Variants in LAMB4 observed in about 807,000 individuals in gnomAD.
LAMB4 encodes the protein laminin subunit beta 4, also known as laminin subunit beta-4.
LAMB4 carries 196 observed loss-of-function variants against 199.2 expected under a neutral mutation model. That is an observed-to-expected ratio of 0.98 (90% CI 0.88 to 1.11). The LOEUF is 1.11. Ranked by LOEUF, LAMB4 falls within the 50% of genes least tolerant of loss-of-function variation. The pLI, the probability that LAMB4 is intolerant of heterozygous loss-of-function variation, is 0.00. For missense variants in LAMB4, 2,080 were observed against 2,171.2 expected, an observed-to-expected ratio of 0.96 and a Z score of 0.83; for synonymous variants, 744 against 770.6, an observed-to-expected ratio of 0.97 and a Z score of 0.57.
At chr7:108,105,541 A>T (rs2037972790) in intron 8 of LAMB4, among the ~76,000 whole-genome samples, 2 of 152,236 alleles carry the variant, frequency 1.3e-5, no homozygotes, top group African/African-American at 4.8e-5. Flanking sequence ...AAATAAATGA[A>T]AAGAGGGCAA....
At chr7:108,026,811 G>C in intron 33 of LAMB4, 1 of 477,616 alleles carries the variant, frequency 2.1e-6, no homozygotes, top group African/African-American at 2.0e-5. Context: ...CTAACAGAGA[G>C]GAACAGGCAC....
At chr7:108,025,263 C>A (rs185544330) in intron 33 of LAMB4, among the ~76,000 whole-genome samples, 50 of 152,150 alleles carry the variant, frequency 3.3e-4, no homozygotes, top group African/African-American at 1.1e-3. Flanking sequence ...TGAAGCTCCA[C>A]GAAGGAAGAT....
intron 1 of LAMB4, among the ~76,000 whole-genome samples, chr7:108,130,014 A>C (rs889585150): frequency 6.6e-6 from 1 of 152,254 alleles, no homozygotes; most frequent in Non-Finnish European, 1.5e-5. Flanking sequence ...ATACAGTTGT[A>C]CATTTCAACA....
intron 9 of LAMB4, 71 bp from the exon 10 acceptor site, chr7:108,103,303 G>A (rs1380645439): frequency 7.8e-7 from 1 of 1,281,078 alleles, no homozygotes; most frequent in Non-Finnish European, 1.1e-6. Flanking sequence ...CCCCGCACTG[G>A]TCAGGGCACC....
At chr7:108,084,121 C>T (rs1393864720) in intron 14 of LAMB4, among the ~76,000 whole-genome samples, 1 of 152,182 alleles carries the variant, frequency 6.6e-6, no homozygotes, top group Non-Finnish European at 1.5e-5. Flanking sequence ...GAGTGTGAGT[C>T]ATCTCATTCA....
intron 17 of LAMB4, 131 bp downstream of exon 17, chr7:108,076,813 C>G (rs1219967561): frequency 1.1e-6 from 1 of 916,588 alleles, no homozygotes; most frequent in African/African-American, 1.7e-5. Context: ...TTTGCAGATG[C>G]TATTAGGTGG....
At chr7:108,066,728 G>A in intron 19 of LAMB4, 128 bp from the exon 20 acceptor site, 4 of 618,336 alleles carry the variant, frequency 6.5e-6, no homozygotes, top group Non-Finnish European at 1.1e-5. Context: ...AACGTGCTTA[G>A]GACACAGCAT....
At chr7:108,028,904 C>T (rs1443264356) in intron 33 of LAMB4, 139 bp downstream of exon 33, 1 of 782,494 alleles carries the variant, frequency 1.3e-6, no homozygotes, top group Admixed American at 3.1e-5. Flanking sequence ...CCCCAAAACA[C>T]AAGACCAATT....
chr7:108,097,742 A>G (rs2037666797), intron 11 of LAMB4, among the ~76,000 whole-genome samples: 3 of 152,070 alleles, frequency 2.0e-5, no homozygotes, highest in Admixed American at 6.5e-5. Flanking sequence ...AAATAAACAA[A>G]CCACCACTTG....
At chr7:108,021,193 G>A (rs1404315546), downstream of LAMB4, among the ~76,000 whole-genome samples, 1 of 151,964 alleles carries the variant, frequency 6.6e-6, no homozygotes, top group African/African-American at 2.4e-5. Flanking sequence ...TTTGTTGGTG[G>A]TTAACTTTAC....
At position 108,052,407 on chromosome 7, in the gene LAMB4, T is replaced by C. The variant is rs2035855102; in HGVS notation, c.3756-150A>G. On this transcript the variant is annotated intron_variant, in intron 25 of 33. Coordinates refer to ENST00000388781, the MANE Select transcript of LAMB4 (RefSeq NM_007356.3). ...GAGTTTTTCATTTGACGGTTTATAA[T>C]TGTGTTTATGTCTCATCTCTTTCAT... The C allele has an allele frequency of 7.0e-6, 4 of 575,498 alleles. No individual in the cohort carries two copies. The East Asian group carries it at 1.2e-4, about 17-fold the overall frequency. 35.6% of individuals were successfully genotyped at this position (575,498 alleles called of 1,614,324 possible). A position where few individuals can be genotyped will look rare whatever the true frequency, so the allele number is the denominator to read the frequency against.
chr7:108,109,165 C>G lies in LAMB4; in HGVS notation c.402+6G>C. 1 of 1,599,610 alleles carries G rather than the reference C, an allele frequency of 6.3e-7. No homozygotes were observed. Among genetic ancestry groups the G allele is most frequent in the Non-Finnish European group, 8.6e-7 (1 of 1,167,044 alleles). ...AAAGAGGGGCAGCAGGCCTATTAGT[C>G]TGTACCTTAAAGGTCAGGATAAGGT... On this transcript the variant is annotated splice_donor_region_variant and intron_variant, in intron 5 of 33. Coordinates refer to ENST00000388781, the MANE Select transcript of LAMB4 (RefSeq NM_007356.3).
chr7:108,116,465 G>A (rs1308126613), intron 2 of LAMB4, among the ~76,000 whole-genome samples: 1 of 152,050 alleles, frequency 6.6e-6, no homozygotes, highest in Non-Finnish European at 1.5e-5. Flanking sequence ...ATCAAAAAGA[G>A]ATACCGAGAA....
At position 108,030,813 on chromosome 7, in the gene LAMB4, A is replaced by G; in HGVS notation, c.4985T>C (p.Leu1662Pro). 2 of 1,613,968 alleles carry G rather than the reference A, an allele frequency of 1.2e-6. No individual in the cohort carries two copies. The highest frequency in any genetic ancestry group is 1.7e-6 in the Non-Finnish European group (2 of 1,179,928). Reference sequence around the variant, plus strand: ...AGTGGTAGAACTAATGACCTTCTCAAGACTCCCAGCCTGGTGTTGGGCAGA... The same window carrying G: ...AGTGGTAGAACTAATGACCTTCTCAGGACTCCCAGCCTGGTGTTGGGCAGA... ...AESAQHQAGS[L>P]EKEFVELKKQ... The change falls in exon 32 of 34, where the codon CTT becomes CCT. Residue 1662 changes from leucine to proline, a missense_variant. Physicochemically the swap from Leu to Pro is moderately conservative, Grantham distance 98 (BLOSUM62 -3). Coordinates refer to ENST00000388781, the MANE Select transcript of LAMB4 (RefSeq NM_007356.3).
At chr7:108,089,668 T>G (rs2037323494) in intron 14 of LAMB4, among the ~76,000 whole-genome samples, 1 of 152,242 alleles carries the variant, frequency 6.6e-6, no homozygotes, top group South Asian at 2.1e-4. Context: ...GTAAGAGTTG[T>G]GTTTGTTTTT....
chr7:108,084,196 A>G (rs977057120), intron 14 of LAMB4, among the ~76,000 whole-genome samples: 7 of 152,170 alleles, frequency 4.6e-5, no homozygotes, highest in Non-Finnish European at 8.8e-5. Flanking sequence ...GATGGTACCA[A>G]TTATAGCCTT....
intron 1 of LAMB4, among the ~76,000 whole-genome samples, chr7:108,123,399 T>G (rs904639277): frequency 6.6e-6 from 1 of 152,278 alleles, no homozygotes; most frequent in South Asian, 2.1e-4. Context: ...TGCCATTTTT[T>G]GAAATCACAG....
chr7:108,052,264 A>C lies in LAMB4; in HGVS notation c.3756-7T>G, dbSNP rs535495264. 1 of 1,572,074 alleles carries C rather than the reference A, an allele frequency of 6.4e-7. No homozygotes were observed. Among genetic ancestry groups the C allele is most frequent in the African/African-American group, 1.4e-5 (1 of 74,040 alleles). The stretch of plus-strand genomic sequence containing the variant: ...TAGCTGCATGATTTGTCTTCTATAG[A>C]GGAAATAAGGGTAAATGTAGTTAAG... On this transcript the variant is annotated splice_polypyrimidine_tract_variant and splice_region_variant and intron_variant, in intron 25 of 33. Transcript: ENST00000388781.
At chr7:108,058,198 G>T (rs2036047683) in intron 23 of LAMB4, among the ~76,000 whole-genome samples, 1 of 152,182 alleles carries the variant, frequency 6.6e-6, no homozygotes, top group African/African-American at 2.4e-5. Context: ...AGATGTAAAT[G>T]AAAACAAAAC....
Sources: gnomAD v4.1 joint callset for allele counts (sites outside exome capture counted in the v4.1 genomes callset) on GRCh38, gnomAD v4.1.1 for gene constraint, MANE v1.5 for transcripts, NCBI Gene and HGNC (gene_info 2026-07-23, HGNC 2026-07-21) for gene names.